The following PBX1 variants were observed in gnomAD, a reference collection of about 807,000 sequenced individuals.
PBX1 encodes the protein pre-B-cell leukemia transcription factor 1.
PBX1 carries 6 observed loss-of-function variants against 53.4 expected under a neutral mutation model. The observed-to-expected ratio is 0.11, with a 90% CI of 0.06 to 0.22. The LOEUF (loss-of-function observed/expected upper bound fraction) is 0.22. Among genes scored for constraint, PBX1 ranks in the 10% least tolerant of loss-of-function variants. The probability of loss-of-function intolerance (pLI) is 1.00; values close to 1 mark genes in which losing one functional copy is unlikely to be tolerated. For missense variants in PBX1, 251 were observed against 551.4 expected (o/e 0.46, Z 5.46); for synonymous variants, 204 against 212.3 (o/e 0.96, Z 0.34).
At position 164,756,760 on chromosome 1, in the gene PBX1, A is replaced by G. The variant is rs146475005; in HGVS notation, c.266-35734A>G. ...TTTAGTAGACTCTGGGTGTCCGTATACATATGTGTAACTATACATATTTAG... is the reference window on the plus strand; with the variant it reads ...TTTAGTAGACTCTGGGTGTCCGTATGCATATGTGTAACTATACATATTTAG... On this transcript the variant is annotated intron_variant, in intron 2 of 8. Coordinates refer to ENST00000420696, the MANE Select transcript of PBX1 (RefSeq NM_002585.4). Among the ~76,000 whole-genome samples, 122 of 152,400 alleles carry G rather than the reference A, an allele frequency of 8.0e-4. 2 individuals are homozygous for G. In the East Asian group the frequency reaches 0.023, roughly 29 times the overall value.
At chr1:164,877,256 A>C (rs1377837953) in intron 2 of PBX1, among the ~76,000 whole-genome samples, 1 of 137,584 alleles carries the variant, frequency 7.3e-6, no homozygotes, top group Non-Finnish European at 1.6e-5. Flanking sequence ...AGTGATGGGC[A>C]AAAAAAAAAA....
chr1:164,722,647 C>T (rs1458894327), intron 2 of PBX1, among the ~76,000 whole-genome samples: 1 of 152,166 alleles, frequency 6.6e-6, no homozygotes, highest in Non-Finnish European at 1.5e-5. Context: ...TTCCACTGAC[C>T]ATCAAGATTC....
At chr1:164,633,430 G>A (rs781729287) in intron 2 of PBX1, among the ~76,000 whole-genome samples, 7 of 152,182 alleles carry the variant, frequency 4.6e-5, no homozygotes, top group African/African-American at 1.7e-4. Flanking sequence ...GATTACAGGC[G>A]TGAGCCACAG....
chr1:164,586,018 A>T (rs1654929411), intron 2 of PBX1, among the ~76,000 whole-genome samples: 1 of 152,226 alleles, frequency 6.6e-6, no homozygotes, highest in South Asian at 2.1e-4. Flanking sequence ...ACTTAGTAAA[A>T]AAGAGAGAAG....
chr1:164,827,628 A>G (rs993808009), intron 8 of PBX1, among the ~76,000 whole-genome samples: 3 of 152,204 alleles, frequency 2.0e-5, no homozygotes, highest in African/African-American at 7.2e-5. Context: ...GCACCATAAC[A>G]AACCTGAGAC....
intron 2 of PBX1, among the ~76,000 whole-genome samples, chr1:164,690,960 T>G (rs1662436970): frequency 6.6e-6 from 1 of 151,718 alleles, no homozygotes; most frequent in African/African-American, 2.4e-5. Flanking sequence ...TGCAGGGGGT[T>G]CTGAAGGGCA....
At chr1:164,722,358 C>T (rs1664459141) in intron 2 of PBX1, among the ~76,000 whole-genome samples, 1 of 152,184 alleles carries the variant, frequency 6.6e-6, no homozygotes, top group South Asian at 2.1e-4. Context: ...GAGTGCTGGA[C>T]ATCTCCCTTA....
At chr1:164,653,349 T>G (rs1659951658) in intron 2 of PBX1, among the ~76,000 whole-genome samples, 1 of 122,900 alleles carries the variant, frequency 8.1e-6, no homozygotes, top group Non-Finnish European at 1.7e-5. Flanking sequence ...GTCTCACTTG[T>G]TTTTTTTTTT....
intron 2 of PBX1, among the ~76,000 whole-genome samples, chr1:164,863,288 TGTGGATTCACAGGAC>T (rs2102444801): frequency 6.6e-6 from 1 of 152,302 alleles, no homozygotes; most frequent in Admixed American, 6.5e-5. Flanking sequence ...GGTGACAGAT[TGTGGATTCACAGGAC>T]GTGCTGAGGT....
At chr1:164,665,917 A>C (rs2101959891) in intron 2 of PBX1, among the ~76,000 whole-genome samples, 1 of 152,216 alleles carries the variant, frequency 6.6e-6, no homozygotes, top group Non-Finnish European at 1.5e-5. Context: ...GTTGCAAGGG[A>C]GTCTAGGGTT....
intron 2 of PBX1, among the ~76,000 whole-genome samples, chr1:164,649,502 A>G (rs1659661117): frequency 1.3e-5 from 2 of 152,158 alleles, no homozygotes; most frequent in Admixed American, 6.5e-5. Flanking sequence ...TAAATCTATC[A>G]GTTTTTTCCC....
intron 2 of PBX1, chr1:164,682,231 C>T (rs1291680000): frequency 6.6e-6 from 1 of 152,202 alleles, no homozygotes; most frequent in East Asian, 1.9e-4. Flanking sequence ...CTAATTCAGA[C>T]AGGCCCTTCT....
chr1:164,718,542 G>A (rs1475940565), intron 2 of PBX1, among the ~76,000 whole-genome samples: 4 of 152,158 alleles, frequency 2.6e-5, no homozygotes, highest in Non-Finnish European at 4.4e-5. Flanking sequence ...GTTCAAAATG[G>A]TTCTGTGGAA....
At chr1:164,571,881 A>G (rs200817305) in intron 2 of PBX1, among the ~76,000 whole-genome samples, 83 of 88,258 alleles carry the variant, frequency 9.4e-4, no homozygotes, top group African/African-American at 3.3e-3. Context: ...TTGTATATAT[A>G]TATATATATA....
intron 2 of PBX1, among the ~76,000 whole-genome samples, chr1:164,785,502 T>A (rs1668128838): frequency 6.6e-6 from 1 of 152,148 alleles, no homozygotes; most frequent in Admixed American, 6.5e-5. Context: ...GAGGAAGAAG[T>A]GTATGTGCAT....
chr1:164,867,388 A>G (rs943642669), intron 2 of PBX1, among the ~76,000 whole-genome samples: 1 of 152,206 alleles, frequency 6.6e-6, no homozygotes, highest in African/African-American at 2.4e-5. Context: ...GGCTACGCAG[A>G]CTACAGCTCA....
At chr1:164,625,864 C>A in intron 2 of PBX1, 1 of 868,058 alleles carries the variant, frequency 1.2e-6, no homozygotes, top group Non-Finnish European at 1.4e-6. Context: ...ATTCCCCCAC[C>A]CTCCTTCTGC....
chr1:164,754,158 C>T (rs1246083179), intron 2 of PBX1, among the ~76,000 whole-genome samples: 1 of 152,140 alleles, frequency 6.6e-6, no homozygotes, highest in African/African-American at 2.4e-5. Context: ...ATGTGCCCGG[C>T]TGGTGTGTGG....
chr1:164,848,466 C>T lies in PBX1; in HGVS notation c.*1790C>T, dbSNP rs1671675775. 1 of 1,057,642 alleles carries T rather than the reference C, an allele frequency of 9.5e-7. No individual in the cohort carries two copies. Among genetic ancestry groups the T allele is most frequent in the Non-Finnish European group, 1.1e-6 (1 of 874,482 alleles). 65.5% of individuals were successfully genotyped at this position (1,057,642 alleles called of 1,614,324 possible). ...AATGCGAAGTCAGGGGAAGTAATGT[C>T]CCTGAAATAAACGGGTTCATGCCAT... On this transcript the variant is annotated 3_prime_UTR_variant, in exon 9 of 9. Coordinates refer to ENST00000420696, the MANE Select transcript of PBX1 (RefSeq NM_002585.4).
Sources: gnomAD v4.1 joint callset for allele counts (sites outside exome capture counted in the v4.1 genomes callset) on GRCh38, gnomAD v4.1.1 for gene constraint, MANE v1.5 for transcripts, NCBI Gene and HGNC (gene_info 2026-07-23, HGNC 2026-07-21) for gene names.